The following ARHGEF12 variants were observed in gnomAD, a reference collection of about 807,000 sequenced individuals.
The protein encoded by ARHGEF12 is KMT2A/ARHGEF12 fusion protein.
A neutral mutation model predicts 211.2 loss-of-function variants in ARHGEF12; 66 were observed. The ratio of observed to expected loss-of-function variants is 0.31; its 90% CI spans 0.26 to 0.38. ARHGEF12 has a LOEUF of 0.38. Among genes scored for constraint, ARHGEF12 ranks in the 10% least tolerant of loss-of-function variants. The pLI, the probability that ARHGEF12 is intolerant of heterozygous loss-of-function variation, is 1.00. For missense variants in ARHGEF12, 1,429 were observed against 1,869.5 expected, an observed-to-expected ratio of 0.76 and a Z score of 4.34; for synonymous variants, 592 against 638.4, an observed-to-expected ratio of 0.93 and a Z score of 1.09.
At chr11:120,476,594 C>T in intron 33 of ARHGEF12, 67 bp from the exon 34 acceptor site, 2 of 1,156,220 alleles carry the variant, frequency 1.7e-6, no homozygotes, top group Admixed American at 4.5e-5. Context: ...ATTTCAAGAC[C>T]CTAAAAACAT....
intron 1 of ARHGEF12, among the ~76,000 whole-genome samples, chr11:120,350,355 A>G (rs1236065847): frequency 6.6e-6 from 1 of 152,074 alleles, no homozygotes; most frequent in African/African-American, 2.4e-5. Context: ...TTCTACTAAA[A>G]ATACGAAAAA....
intron 1 of ARHGEF12, among the ~76,000 whole-genome samples, chr11:120,362,013 T>G (rs921486262): frequency 6.6e-6 from 1 of 152,210 alleles, no homozygotes; most frequent in Non-Finnish European, 1.5e-5. Context: ...AATAAATGGT[T>G]TTGAACTGTA....
At position 120,448,347 on chromosome 11, in the gene ARHGEF12, A is replaced by G. The variant is rs1169256443; in HGVS notation, c.1736A>G (p.Lys579Arg). Residue 579 changes from lysine to arginine, a missense_variant and splice_region_variant, in exon 20 of 41, where the codon AAG becomes AGG. By Grantham distance (26) the Lys-to-Arg change is conservative. Transcript: ENST00000397843. Reference protein sequence around the residue: ...RGRIGFLPKIKQSMKKDKEGE... With the variant: ...RGRIGFLPKIRQSMKKDKEGE... ...CGGATTGGATTTCTTCCCAAAATCA[A>G]GGTAAGAATGAAATAATGTAATAGC... 1.2e-6 allele frequency: 2 copies of G among 1,612,802 alleles called. No individual in the cohort carries two copies. Among genetic ancestry groups the G allele is most frequent in the East Asian group, 2.2e-5 (1 of 44,850 alleles).
intron 1 of ARHGEF12, among the ~76,000 whole-genome samples, chr11:120,350,980 A>T (rs888205326): frequency 1.3e-5 from 2 of 152,174 alleles, no homozygotes; most frequent in Non-Finnish European, 1.5e-5. Context: ...TTAAATCATG[A>T]TTACTTGTTG....
At chr11:120,383,029 C>A (rs1050066303) in intron 1 of ARHGEF12, among the ~76,000 whole-genome samples, 1 of 152,104 alleles carries the variant, frequency 6.6e-6, no homozygotes, top group African/African-American at 2.4e-5. Context: ...GTCCCAGCTG[C>A]TTGGGAGGCT....
intron 6 of ARHGEF12, among the ~76,000 whole-genome samples, chr11:120,424,069 G>A (rs1337628476): frequency 1.3e-5 from 2 of 152,092 alleles, no homozygotes; most frequent in African/African-American, 4.8e-5. Context: ...CCTTCACCGT[G>A]AACGATTTGT....
rs576747358 is a variant in ARHGEF12 at position 120,424,551 on chromosome 11, G to C, written c.406+136G>C. ...ATAGTCTACTGCCGACTCTGTCATT[G>C]TATCATGAAAGCAGCCATAGACTAT... On this transcript the variant is annotated intron_variant, in intron 7 of 40. Coordinates refer to ENST00000397843, the MANE Select transcript of ARHGEF12 (RefSeq NM_015313.3). 1.5e-5 allele frequency: 9 copies of C among 601,960 alleles called. No individual in the cohort carries two copies. The South Asian group carries it at 2.2e-4, about 15-fold the overall frequency. The allele number at this position is 601,960 out of a possible 1,614,324, so 37.3% of individuals were successfully genotyped here.
chr11:120,337,948 A>G (rs1942407800), intron 1 of ARHGEF12: 1 of 970,040 alleles, frequency 1.0e-6, no homozygotes, highest in South Asian at 4.8e-5. Flanking sequence ...AAGAGATATA[A>G]GCCGTAAGCA....
Position 120,489,285 on chromosome 11 carries a change from T to G in ARHGEF12, c.*4208T>G. The G allele has an allele frequency of 4.4e-6, 1 of 226,788 alleles. No homozygotes were observed. The highest frequency in any genetic ancestry group is 6.4e-5 in the East Asian group (1 of 15,722). 14.0% of individuals were successfully genotyped at this position (226,788 alleles called of 1,614,324 possible). ...TTGAGATATTCACATATCATATAAT[T>G]CATCCATTTAAAGTGTATAATCAGA... is the stretch of plus-strand genomic sequence containing the variant. On this transcript the variant is annotated 3_prime_UTR_variant, in exon 41 of 41. Coordinates refer to ENST00000397843, the MANE Select transcript of ARHGEF12 (RefSeq NM_015313.3).
chr11:120,471,229 T>C (rs71484170), intron 30 of ARHGEF12, among the ~76,000 whole-genome samples: 22,486 of 152,102 alleles, frequency 0.15, 1,816 homozygotes, highest in African/African-American at 0.21. Flanking sequence ...ATCAACAGAA[T>C]GGATAAACCA....
At chr11:120,421,987 A>C (rs551115117) in intron 6 of ARHGEF12, 135 bp downstream of exon 6, 4 of 623,802 alleles carry the variant, frequency 6.4e-6, no homozygotes, top group Non-Finnish European at 1.1e-5. Flanking sequence ...TGACTATACA[A>C]ACTTATTTCA....
intron 31 of ARHGEF12, among the ~76,000 whole-genome samples, chr11:120,473,883 C>T (rs964369712): frequency 5.3e-5 from 8 of 152,120 alleles, no homozygotes; most frequent in African/African-American, 9.7e-5. Flanking sequence ...TTAACTTTTT[C>T]GGATTTTAAG....
chr11:120,415,150 A>G (rs183090405), intron 4 of ARHGEF12, among the ~76,000 whole-genome samples: 2 of 152,354 alleles, frequency 1.3e-5, no homozygotes, highest in South Asian at 2.1e-4. Context: ...CAGAAAAAGT[A>G]AAAGTGATGA....
chr11:120,435,770 C>G (rs1332938857), intron 11 of ARHGEF12, among the ~76,000 whole-genome samples: 1 of 152,032 alleles, frequency 6.6e-6, no homozygotes, highest in Non-Finnish European at 1.5e-5. Flanking sequence ...CCCGCCTCAG[C>G]CTCCCAAAGT....
chr11:120,344,925 C>T (rs1250966265), intron 1 of ARHGEF12, among the ~76,000 whole-genome samples: 2 of 152,180 alleles, frequency 1.3e-5, no homozygotes, highest in South Asian at 2.1e-4. Context: ...GTTTTATCAC[C>T]ACAAGAGTCA....
At chr11:120,484,186 A>G (rs1369030789) in intron 39 of ARHGEF12, among the ~76,000 whole-genome samples, 1 of 152,226 alleles carries the variant, frequency 6.6e-6, no homozygotes, top group Non-Finnish European at 1.5e-5. Context: ...AATTGCATCT[A>G]TGGTTACCAC....
chr11:120,419,467 G>T, intron 4 of ARHGEF12, among the ~76,000 whole-genome samples: 1 of 138,338 alleles, frequency 7.2e-6, no homozygotes, highest in South Asian at 2.3e-4. Context: ...TTCCTTTTGT[G>T]TTATCTTATG....
intron 11 of ARHGEF12, among the ~76,000 whole-genome samples, chr11:120,436,719 C>G (rs1373359520): frequency 2.6e-5 from 4 of 152,088 alleles, no homozygotes; most frequent in Admixed American, 6.5e-5. Context: ...TATAAGTAAT[C>G]TAGAGATGAT....
intron 7 of ARHGEF12, among the ~76,000 whole-genome samples, chr11:120,426,878 TTTTG>T (rs1945361040): frequency 6.6e-6 from 1 of 151,910 alleles, no homozygotes; most frequent in African/African-American, 2.4e-5. Context: ...TTGTTTTTGT[TTTTG>T]TTTTTGTTTT....
Sources: gnomAD v4.1 joint callset for allele counts (sites outside exome capture counted in the v4.1 genomes callset) on GRCh38, gnomAD v4.1.1 for gene constraint, MANE v1.5 for transcripts, NCBI Gene and HGNC (gene_info 2026-07-23, HGNC 2026-07-21) for gene names.